The following ZNF514 variants were observed in gnomAD, a reference collection of about 807,000 sequenced individuals.
ZNF514 encodes zinc finger protein 514.
Under a neutral mutation model 9.7 loss-of-function variants are expected in ZNF514, and 12 were observed. The ratio of observed to expected loss-of-function variants is 1.24; its 90% CI spans 0.79 to 2.01. ZNF514 has a LOEUF of 2.01. Ranked by LOEUF, ZNF514 falls within the 30% of genes most tolerant of loss-of-function variation. ZNF514 has a pLI of 0.00. For missense variants in ZNF514, 467 were observed against 465.5 expected (o/e 1.00, Z -0.03); for synonymous variants, 158 against 163.7 (o/e 0.97, Z 0.27).
chr2:95,141,049 GGGA>G (rs995278740), downstream of ZNF514, among the ~76,000 whole-genome samples: 3 of 151,994 alleles, frequency 2.0e-5, no homozygotes, highest in African/African-American at 7.2e-5. Flanking sequence ...GGGAAACGGT[GGGA>G]GGAGGATTAG....
the ZNF514 span, among the ~76,000 whole-genome samples, chr2:95,124,691 G>A: frequency 6.6e-6 from 1 of 151,562 alleles, no homozygotes; most frequent in Non-Finnish European, 1.5e-5. Context: ...TAGTAGAGAC[G>A]GGGTTCCACC....
In ZNF514 at chr2:95,149,879, T is replaced by C; in HGVS notation, c.606A>G (p.Lys202=). Reference sequence around the variant, plus strand: ...TCCCACACTCATTACATTTACAAGATTTCTTTTCTGGGTGGGTTCTCTGAG... The same window carrying C: ...TCCCACACTCATTACATTTACAAGACTTCTTTTCTGGGTGGGTTCTCTGAG... The part of the protein sequence containing the change: ...NNSQRTHPEK[K]SCKCNECGKS... Residue 202 remains lysine, a synonymous_variant, in exon 5 of 5, where the codon AAA becomes AAG. Coordinates refer to ENST00000295208, the MANE Select transcript of ZNF514 (RefSeq NM_032788.3). The C allele has an allele frequency of 6.2e-7, 1 of 1,614,230 alleles. No homozygotes were observed.
chr2:95,138,599 C>T, the ZNF514 span, among the ~76,000 whole-genome samples: 1 of 152,146 alleles, frequency 6.6e-6, no homozygotes, highest in Non-Finnish European at 1.5e-5. Flanking sequence ...CTGGTTGCTT[C>T]TAATAACCTA....
At chr2:95,135,409 C>T in the ZNF514 span, among the ~76,000 whole-genome samples, 23 of 150,010 alleles carry the variant, frequency 1.5e-4, no homozygotes, top group South Asian at 1.7e-3. Flanking sequence ...TTCTTTCCTT[C>T]GTTCTTTCTT....
chr2:95,159,558 C>T lies in ZNF514; in HGVS notation c.-414G>A, dbSNP rs1344594235. 2.6e-5 allele frequency: 4 copies of T among 151,868 alleles called. No individual in the cohort carries two copies. The highest frequency in any genetic ancestry group is 7.3e-5 in the African/African-American group (3 of 41,298). The allele number at this position is 151,868 out of a possible 1,614,324, so 9.4% of individuals were successfully genotyped here. A position where few individuals can be genotyped will look rare whatever the true frequency, so the allele number is the denominator to read the frequency against. On this transcript the variant is annotated 5_prime_UTR_variant, in exon 1 of 5. Transcript: ENST00000295208. ...CGGGCCCAGTACAGGTCTGCGCGCC[C>T]GCAGTCTCCGAACGCTCACAGGACC...
the ZNF514 span, among the ~76,000 whole-genome samples, chr2:95,123,236 CAT>C: frequency 8.5e-5 from 13 of 152,352 alleles, no homozygotes; most frequent in South Asian, 1.2e-3. Context: ...GATAAGCACT[CAT>C]GTGGGAAATA....
the ZNF514 span, among the ~76,000 whole-genome samples, chr2:95,124,004 T>C: frequency 6.6e-6 from 1 of 152,212 alleles, no homozygotes; most frequent in Non-Finnish European, 1.5e-5. Context: ...TAGTACAACA[T>C]CAAAACCAGG....
At position 95,150,052 on chromosome 2, in the gene ZNF514, T is replaced by C; in HGVS notation, c.433A>G (p.Thr145Ala). Reference protein sequence around the residue: ...KQMSTIHKSATTLSRDYKWNG... With the variant: ...KQMSTIHKSAATLSRDYKWNG... ...CATTTATAATCTCTGCTAAGGGTGG[T>C]GGCAGATTTGTGAATGGTTGACATT... The change falls in exon 5 of 5, where the codon ACC becomes GCC. Residue 145 changes from threonine (T) to alanine (A), a missense_variant. Transcript: ENST00000295208. The C allele has an allele frequency of 3.1e-6, 5 of 1,614,156 alleles. No individual in the cohort carries two copies. Among genetic ancestry groups the C allele is most frequent in the Middle Eastern group, 1.6e-4 (1 of 6,062 alleles).
At chr2:95,135,756 TC>T in the ZNF514 span, among the ~76,000 whole-genome samples, 2 of 151,954 alleles carry the variant, frequency 1.3e-5, no homozygotes, top group Admixed American at 6.6e-5. Flanking sequence ...TTTGAATTGT[TC>T]ATCACACATG....
chr2:95,144,964 A>G (rs1176066336), downstream of ZNF514, among the ~76,000 whole-genome samples: 2 of 152,222 alleles, frequency 1.3e-5, no homozygotes, highest in African/African-American at 2.4e-5. Flanking sequence ...GTGCTAATCT[A>G]TATTTGAATT....
At chr2:95,137,718 T>A in the ZNF514 span, among the ~76,000 whole-genome samples, 1 of 152,240 alleles carries the variant, frequency 6.6e-6, no homozygotes. Flanking sequence ...TTTGCAGTCC[T>A]TACAGCCACT....
In ZNF514 at chr2:95,153,223, T is replaced by A. The variant is rs1673592396; in HGVS notation, c.31A>T (p.Ser11Cys). Residue 11 changes from serine (S) to cysteine (C), a missense_variant, in exon 3 of 5, where the codon AGC becomes TGC. Coordinates refer to ENST00000295208, the MANE Select transcript of ZNF514 (RefSeq NM_032788.3). ...TTCAGCTGCCCCCACTCCCACTGGC[T>A]GAATTCCACAGCCACATCTTCAAAT... MTFEDVAVEF[S>C]QWEWGQLNPA... 1 of 1,613,888 alleles carries A rather than the reference T, an allele frequency of 6.2e-7. No individual in the cohort carries two copies. Among genetic ancestry groups the A allele is most frequent in the African/African-American group, 1.3e-5 (1 of 74,910 alleles).
chr2:95,146,463 C>T lies in ZNF514; in HGVS notation c.*2819G>A, dbSNP rs567968560. Among the ~76,000 whole-genome samples the T allele has an allele frequency of 2.2e-4, 33 of 152,080 alleles. 1 individual carries two copies. The South Asian group carries it at 6.0e-3, about 28-fold the overall frequency. On this transcript the variant is annotated 3_prime_UTR_variant, in exon 5 of 5. Coordinates refer to ENST00000295208, the MANE Select transcript of ZNF514 (RefSeq NM_032788.3). ...TTTAGGTAAGTAGAGAAGGTGCCCC[C>T]GGCTGATAGAACAGCTAAGGTAAAG...
At chr2:95,153,292 A>T (rs374722232) in intron 2 of ZNF514, 33 bp from the exon 3 acceptor site, 5 of 1,595,328 alleles carry the variant, frequency 3.1e-6, no homozygotes, top group Non-Finnish European at 4.3e-6. Context: ...GTGTCCACTT[A>T]TATGCTTATC....
At chr2:95,143,792 C>T (rs1053838558), downstream of ZNF514, among the ~76,000 whole-genome samples, 12 of 152,136 alleles carry the variant, frequency 7.9e-5, no homozygotes, top group East Asian at 5.8e-4. Flanking sequence ...AATTAAATGA[C>T]GCAAACATTC....
downstream of ZNF514, among the ~76,000 whole-genome samples, chr2:95,144,765 A>G (rs1186999211): frequency 6.6e-6 from 1 of 152,218 alleles, no homozygotes; most frequent in African/African-American, 2.4e-5. Context: ...GTAGCCTGGG[A>G]ACTCCCAAAT....
chr2:95,154,280 C>G (rs1396086124), intron 2 of ZNF514: 1 of 152,246 alleles, frequency 6.6e-6, no homozygotes, highest in Admixed American at 6.5e-5. Flanking sequence ...GTGGGCAAAG[C>G]CACAGCTGTC....
intron 2 of ZNF514, among the ~76,000 whole-genome samples, chr2:95,156,143 T>C (rs1673680682): frequency 6.6e-6 from 1 of 152,256 alleles, no homozygotes. Flanking sequence ...ACTTTACTGA[T>C]TAAATTCCTT....
chr2:95,126,683 C>G, the ZNF514 span, among the ~76,000 whole-genome samples: 1 of 152,116 alleles, frequency 6.6e-6, no homozygotes, highest in Admixed American at 6.5e-5. Flanking sequence ...GTCTTTTGCT[C>G]ATTTTCTAGT....
Sources: allele counts gnomAD v4.1 joint callset (sites outside exome capture counted in the v4.1 genomes callset), GRCh38; gene constraint gnomAD v4.1.1; transcripts MANE v1.5; gene names NCBI Gene and HGNC (gene_info 2026-07-23, HGNC 2026-07-21).